Variants in SLC27A6 observed in about 807,000 individuals in gnomAD.
SLC27A6 encodes the protein solute carrier family 27 member 6, also known as long-chain fatty acid transport protein 6.
In SLC27A6, 74 loss-of-function variants were observed where a neutral mutation model predicts 63.9. The ratio of observed to expected loss-of-function variants is 1.16; its 90% CI spans 0.96 to 1.40. The LOEUF (loss-of-function observed/expected upper bound fraction) is 1.40, where lower values mean the gene tolerates loss of function less well. Ranked by LOEUF, SLC27A6 falls within the 40% of genes most tolerant of loss-of-function variation. The probability of loss-of-function intolerance (pLI) is 0.00; values close to 1 mark genes in which losing one functional copy is unlikely to be tolerated. For synonymous variants in SLC27A6, 287 were observed against 260.8 expected (o/e 1.10, Z -0.97); for missense variants, 794 against 732.9 (o/e 1.08, Z -0.96).
At chr5:128,968,633 C>A (rs1348814361) in intron 1 of SLC27A6, among the ~76,000 whole-genome samples, 1 of 151,882 alleles carries the variant, frequency 6.6e-6, no homozygotes, top group Non-Finnish European at 1.5e-5. Flanking sequence ...TTGTAAATTT[C>A]TTTAAGTTCT....
chr5:128,974,925 A>G (rs768064615), intron 1 of SLC27A6, among the ~76,000 whole-genome samples: 2 of 152,240 alleles, frequency 1.3e-5, no homozygotes, highest in Admixed American at 6.5e-5. Context: ...AATGATTGCT[A>G]TTATGATTAT....
chr5:129,032,276 A>T (rs758625680), intron 9 of SLC27A6, among the ~76,000 whole-genome samples: 5 of 152,034 alleles, frequency 3.3e-5, no homozygotes, highest in Non-Finnish European at 4.4e-5. Context: ...CCATATAAAT[A>T]AGTAAATGCT....
At chr5:128,989,264 G>A (rs186336811) in intron 3 of SLC27A6, among the ~76,000 whole-genome samples, 131 of 152,312 alleles carry the variant, frequency 8.6e-4, no homozygotes, top group African/African-American at 3.1e-3. Context: ...TAAGAGCCCT[G>A]AAGAAATTGC....
intron 1 of SLC27A6, among the ~76,000 whole-genome samples, chr5:128,973,598 C>T (rs906929392): frequency 1.3e-5 from 2 of 152,204 alleles, no homozygotes; most frequent in African/African-American, 4.8e-5. Context: ...GATATAGTTT[C>T]CTGGTGTGCT....
At chr5:129,000,811 C>T (rs1042761569) in intron 4 of SLC27A6, among the ~76,000 whole-genome samples, 3 of 152,070 alleles carry the variant, frequency 2.0e-5, no homozygotes, top group Admixed American at 1.3e-4. Flanking sequence ...TCTTGCAGAC[C>T]GTTGGAGCTA....
intron 3 of SLC27A6, among the ~76,000 whole-genome samples, chr5:128,989,332 T>G (rs7730969): frequency 0.26 from 39,145 of 152,110 alleles, 5,514 homozygotes; most frequent in Non-Finnish European, 0.31. Context: ...TTGGTAGAGC[T>G]TGTGACTCAG....
At chr5:129,024,350 A>G (rs963919428) in intron 6 of SLC27A6, among the ~76,000 whole-genome samples, 1 of 152,186 alleles carries the variant, frequency 6.6e-6, no homozygotes, top group Non-Finnish European at 1.5e-5. Context: ...CACTCTAGAT[A>G]TAATGTAAAG....
Position 129,033,339 on chromosome 5 carries a change from A to G in SLC27A6, c.*57A>G, listed in dbSNP as rs1752471421. On this transcript the variant is annotated 3_prime_UTR_variant, in exon 10 of 10. Coordinates refer to ENST00000262462, the MANE Select transcript of SLC27A6 (RefSeq NM_001017372.3). ...CTTAGGAAGAGTGAGAGGGGGGTAT[A>G]TGATTCTTTATGAAATGGGGAAAGG... 1.0e-6 allele frequency: 1 copy of G among 988,434 alleles called. No homozygotes were observed. 61.2% of individuals were successfully genotyped at this position (988,434 alleles called of 1,614,324 possible).
intron 9 of SLC27A6, among the ~76,000 whole-genome samples, chr5:129,030,385 G>T (rs1286969151): frequency 2.0e-5 from 3 of 151,798 alleles, no homozygotes; most frequent in Admixed American, 1.3e-4. Flanking sequence ...CAACCACACA[G>T]ATTTTTTTTT....
chr5:129,016,775 A>T (rs1212143137), intron 5 of SLC27A6, among the ~76,000 whole-genome samples: 1 of 152,004 alleles, frequency 6.6e-6, no homozygotes, highest in Non-Finnish European at 1.5e-5. Context: ...CGTTTATACC[A>T]CTCAATTCTA....
At chr5:128,980,735 T>C (rs2150131819) in intron 1 of SLC27A6, among the ~76,000 whole-genome samples, 1 of 152,310 alleles carries the variant, frequency 6.6e-6, no homozygotes, top group East Asian at 1.9e-4. Flanking sequence ...CATTTGTAGC[T>C]GAATACCATA....
Position 129,033,420 on chromosome 5 carries a change from TA to T in SLC27A6, c.*140del. On this transcript the variant is annotated 3_prime_UTR_variant, in exon 10 of 10. Coordinates refer to ENST00000262462, the MANE Select transcript of SLC27A6 (RefSeq NM_001017372.3). Reference sequence around the variant, plus strand: ...TTCCTTAATATGAGAGATAATTTTTTAATTGCATAAGAATTTTAATTTCTTT... The same window carrying T: ...TTCCTTAATATGAGAGATAATTTTTTATTGCATAAGAATTTTAATTTCTTT... 1 of 447,004 alleles carries T rather than the reference TA, an allele frequency of 2.2e-6. No homozygotes were observed. Among genetic ancestry groups the T allele is most frequent in the Non-Finnish European group, 4.0e-6 (1 of 252,616 alleles). 27.7% of individuals were successfully genotyped at this position (447,004 alleles called of 1,614,324 possible).
At chr5:129,002,896 G>GT (rs1751389841) in intron 4 of SLC27A6, among the ~76,000 whole-genome samples, 1 of 152,104 alleles carries the variant, frequency 6.6e-6, no homozygotes, top group Non-Finnish European at 1.5e-5. Flanking sequence ...CAGCCCACAT[G>GT]GGTTTTGCTG....
chr5:129,017,621 T>C (rs541522562), intron 5 of SLC27A6, among the ~76,000 whole-genome samples: 1 of 152,204 alleles, frequency 6.6e-6, no homozygotes, highest in Non-Finnish European at 1.5e-5. Context: ...AGTAAATCGA[T>C]TCTGATTGAT....
chr5:129,025,466 C>T (rs919934243), intron 6 of SLC27A6, among the ~76,000 whole-genome samples: 2 of 151,682 alleles, frequency 1.3e-5, no homozygotes, highest in African/African-American at 4.8e-5. Context: ...ATATATACTC[C>T]GACTCCTGCA....
At chr5:128,989,817 G>A (rs1417180926) in intron 3 of SLC27A6, among the ~76,000 whole-genome samples, 4 of 151,806 alleles carry the variant, frequency 2.6e-5, no homozygotes, top group Non-Finnish European at 5.9e-5. Context: ...CCAGCTACTC[G>A]GGAGGCTGAG....
chr5:128,966,789 C>T (rs1199942603), intron 1 of SLC27A6, among the ~76,000 whole-genome samples, 171 bp downstream of exon 1: 1 of 152,180 alleles, frequency 6.6e-6, no homozygotes, highest in African/African-American at 2.4e-5. Flanking sequence ...CTGTCTCCTC[C>T]CTTCAGGCAC....
intron 4 of SLC27A6, among the ~76,000 whole-genome samples, chr5:128,990,715 G>T (rs759918443): frequency 1.3e-5 from 2 of 152,160 alleles, no homozygotes; most frequent in African/African-American, 2.4e-5. Context: ...TGGGCCATGC[G>T]GTGAGTGTTA....
intron 4 of SLC27A6, among the ~76,000 whole-genome samples, chr5:129,005,894 G>A (rs1751506593): frequency 6.6e-6 from 1 of 151,570 alleles, no homozygotes. Flanking sequence ...TTACAGGCGT[G>A]AGCCACCGTG....
Sources: allele counts gnomAD v4.1 joint callset (sites outside exome capture counted in the v4.1 genomes callset), GRCh38; gene constraint gnomAD v4.1.1; transcripts MANE v1.5; gene names NCBI Gene and HGNC (gene_info 2026-07-23, HGNC 2026-07-21).